Variants in VAV3 observed in about 807,000 individuals in gnomAD.
The protein encoded by VAV3 is guanine nucleotide exchange factor VAV3.
A neutral mutation model predicts 131.2 loss-of-function variants in VAV3; 94 were observed. That is an observed-to-expected ratio of 0.72 (90% CI 0.61 to 0.85). The LOEUF (loss-of-function observed/expected upper bound fraction) is 0.85, where lower values mean the gene tolerates loss of function less well. Among genes scored for constraint, VAV3 ranks in the 40% least tolerant of loss-of-function variants. The pLI is 0.00. For synonymous variants in VAV3, 349 were observed against 342.0 expected, an observed-to-expected ratio of 1.02 and a Z score of -0.22; for missense variants, 939 against 1,002.7, an observed-to-expected ratio of 0.94 and a Z score of 0.86.
At chr1:107,688,078 T>C (rs1659159731) in intron 18 of VAV3, among the ~76,000 whole-genome samples, 1 of 152,192 alleles carries the variant, frequency 6.6e-6, no homozygotes, top group Non-Finnish European at 1.5e-5. Flanking sequence ...CGGGGACGCA[T>C]CTACCAACTT....
At chr1:107,834,403 T>C (rs1235527978) in intron 2 of VAV3, among the ~76,000 whole-genome samples, 1 of 152,006 alleles carries the variant, frequency 6.6e-6, no homozygotes, top group Non-Finnish European at 1.5e-5. Context: ...TTTAAAAATG[T>C]TCCATTGCAT....
At chr1:107,867,541 A>G (rs1342958842) in intron 2 of VAV3, among the ~76,000 whole-genome samples, 1 of 152,178 alleles carries the variant, frequency 6.6e-6, no homozygotes, top group Admixed American at 6.5e-5. Context: ...ACATTAGGGA[A>G]GGCTAGAAGC....
At chr1:107,659,810 C>A (rs1038930348) in intron 19 of VAV3, among the ~76,000 whole-genome samples, 9 of 152,096 alleles carry the variant, frequency 5.9e-5, no homozygotes, top group African/African-American at 2.2e-4. Flanking sequence ...AAATAGTGTT[C>A]TGTAAAATCT....
In VAV3 at chr1:107,813,045, C is replaced by T. The variant is rs142642171; in HGVS notation, c.322-33553G>A. On this transcript the variant is annotated intron_variant, in intron 2 of 26. Transcript: ENST00000370056. ...GGCTGAGGCAGGAGAATGGCATGAA[C>T]CCAGGAGGCAGAGCTGGCAGTGAGC... 9.7e-3 allele frequency among the ~76,000 whole-genome samples: 1,473 copies of T among 151,470 alleles called. 10 individuals carry two copies. The highest frequency in any genetic ancestry group is 0.03 in the South Asian group (143 of 4,784).
chr1:107,859,313 T>C (rs1238894306), intron 2 of VAV3, among the ~76,000 whole-genome samples: 1 of 152,076 alleles, frequency 6.6e-6, no homozygotes, highest in African/African-American at 2.4e-5. Flanking sequence ...CTCCAGTGAT[T>C]CTCCACCCTC....
intron 19 of VAV3, among the ~76,000 whole-genome samples, chr1:107,681,929 G>A (rs1658659441): frequency 6.6e-6 from 1 of 152,012 alleles, no homozygotes; most frequent in Admixed American, 6.6e-5. Context: ...CAAAGTGCTG[G>A]GATTACAGGC....
At position 107,784,051 on chromosome 1, in the gene VAV3, C is replaced by T. The variant is rs571923021; in HGVS notation, c.322-4559G>A. Among the ~76,000 whole-genome samples, 284 of 122,474 alleles carry T rather than the reference C, an allele frequency of 2.3e-3. 1 individual carries two copies. The highest frequency in any genetic ancestry group is 4.1e-3 in the Middle Eastern group (1 of 242). 80.3% of individuals were successfully genotyped at this position (122,474 alleles called of 152,430 possible). The stretch of plus-strand genomic sequence containing the variant: ...CTCCAGCCTGGGTGACAGAGCAAGA[C>T]CCTATCTCAAATATATATATATATA... On this transcript the variant is annotated intron_variant, in intron 2 of 26. Transcript: ENST00000370056.
intron 26 of VAV3, among the ~76,000 whole-genome samples, 186 bp downstream of exon 26, chr1:107,573,861 A>G (rs577250383): frequency 6.6e-6 from 1 of 152,252 alleles, no homozygotes; most frequent in East Asian, 1.9e-4. Flanking sequence ...TATCATATTC[A>G]TTTCAAATAT....
intron 2 of VAV3, among the ~76,000 whole-genome samples, chr1:107,826,456 A>C (rs1668018848): frequency 6.6e-6 from 1 of 152,198 alleles, no homozygotes; most frequent in Admixed American, 6.6e-5. Context: ...GATAATAAGA[A>C]TATGAGCCCT....
chr1:107,680,826 G>C (rs1055951964), intron 19 of VAV3, among the ~76,000 whole-genome samples: 1 of 152,128 alleles, frequency 6.6e-6, no homozygotes, highest in Non-Finnish European at 1.5e-5. Context: ...AACTGCCGAA[G>C]TTCAAACAGC....
At chr1:107,831,454 C>A (rs1241379648) in intron 2 of VAV3, among the ~76,000 whole-genome samples, 1 of 152,098 alleles carries the variant, frequency 6.6e-6, no homozygotes, top group Non-Finnish European at 1.5e-5. Context: ...AGAAATTTTT[C>A]TTCCATATAT....
At chr1:107,854,239 G>T (rs1202261459) in intron 2 of VAV3, among the ~76,000 whole-genome samples, 2 of 152,290 alleles carry the variant, frequency 1.3e-5, no homozygotes, top group East Asian at 3.9e-4. Flanking sequence ...GAACCTGGGA[G>T]GCAGAGGTTG....
intron 2 of VAV3, among the ~76,000 whole-genome samples, chr1:107,822,061 GGTGCCTTT>G (rs1480334449): frequency 2.6e-5 from 4 of 152,216 alleles, no homozygotes; most frequent in Admixed American, 1.3e-4. Flanking sequence ...GGTGACTGCT[GGTGCCTTT>G]GTGGGCAGGA....
chr1:107,654,940 A>C (rs1291274455), intron 19 of VAV3, among the ~76,000 whole-genome samples: 2 of 152,156 alleles, frequency 1.3e-5, no homozygotes, highest in African/African-American at 4.8e-5. Context: ...ATAAAGAAAA[A>C]TAAGAATGTT....
intron 1 of VAV3, among the ~76,000 whole-genome samples, chr1:107,926,506 G>A: frequency 6.6e-6 from 1 of 152,126 alleles, no homozygotes; most frequent in East Asian, 1.9e-4. Context: ...ACAGTACCTG[G>A]TTTTAACTTC....
chr1:107,755,539 AAAG>A lies in VAV3; in HGVS notation c.1087-29_1087-27del, dbSNP rs370898320. 1.4e-5 allele frequency: 22 copies of A among 1,548,174 alleles called. No individual in the cohort carries two copies. The African/African-American group carries it at 2.4e-4, about 17-fold the overall frequency. On this transcript the variant is annotated intron_variant, in intron 11 of 26. Coordinates refer to ENST00000370056, the MANE Select transcript of VAV3 (RefSeq NM_006113.5). The stretch of plus-strand genomic sequence containing the variant: ...CTAGACAATAAAGAAAAGGGTAGAA[AAAG>A]AAGGCACACTAAGATTAGAGATGCA...
At chr1:107,940,257 A>T (rs977380954) in intron 1 of VAV3, among the ~76,000 whole-genome samples, 1 of 152,204 alleles carries the variant, frequency 6.6e-6, no homozygotes, top group East Asian at 1.9e-4. Flanking sequence ...AATCTTTGAC[A>T]TCCTCCACTT....
chr1:107,869,312 G>A (rs547831380), intron 2 of VAV3, among the ~76,000 whole-genome samples: 2 of 152,230 alleles, frequency 1.3e-5, no homozygotes, highest in African/African-American at 4.8e-5. Context: ...ACATTAGAAA[G>A]AATGAATTTT....
Position 107,777,240 on chromosome 1 carries a change from T to G in VAV3, c.437A>C (p.Asp146Ala). 6.2e-7 allele frequency: 1 copy of G among 1,613,946 alleles called. No individual in the cohort carries two copies. Among genetic ancestry groups the G allele is most frequent in the Non-Finnish European group, 8.5e-7 (1 of 1,179,906 alleles). The change falls in exon 4 of 27, where the codon GAT becomes GCT. Residue 146 changes from aspartate (D) to alanine (A), a missense_variant. By Grantham distance (126) the Asp-to-Ala change is moderately radical (BLOSUM62 -2). Transcript: ENST00000370056. ...GAAATTTTCAACATACTCTATTAAATCAGGAAGGCCTTTGTAGATGTCTTC... is the reference window on the plus strand; with the variant it reads ...GAAATTTTCAACATACTCTATTAAAGCAGGAAGGCCTTTGTAGATGTCTTC... The part of the protein sequence containing the change: ...NDEDIYKGLP[D>A]LIDETLVEDE...
Sources: allele counts gnomAD v4.1 joint callset (sites outside exome capture counted in the v4.1 genomes callset), GRCh38; gene constraint gnomAD v4.1.1; transcripts MANE v1.5; gene names NCBI Gene and HGNC (gene_info 2026-07-23, HGNC 2026-07-21).